The following ADAMTS17 variants were observed in gnomAD, a reference collection of about 807,000 sequenced individuals.
ADAMTS17 encodes ADAM metallopeptidase with thrombospondin type 1 motif 17.
Under a neutral mutation model 141.5 loss-of-function variants are expected in ADAMTS17, and 113 were observed. The observed-to-expected ratio is 0.80, with a 90% CI of 0.69 to 0.93. ADAMTS17 has a LOEUF of 0.93. Among genes scored for constraint, ADAMTS17 ranks in the 40% least tolerant of loss-of-function variants. The pLI is 0.00. For synonymous variants in ADAMTS17, 768 were observed against 630.6 expected, an observed-to-expected ratio of 1.22 and a Z score of -3.27; for missense variants, 1,659 against 1,517.9, an observed-to-expected ratio of 1.09 and a Z score of -1.54.
At chr15:100,277,614 T>C (rs1205572784) in intron 4 of ADAMTS17, among the ~76,000 whole-genome samples, 1 of 152,182 alleles carries the variant, frequency 6.6e-6, no homozygotes, top group Non-Finnish European at 1.5e-5. Context: ...TCAGGCGTGC[T>C]CCGGGCAGAC....
rs1305170493 is a variant in ADAMTS17, at chr15:100,270,701, T to C, written c.790-8266A>G. 6.6e-5 allele frequency among the ~76,000 whole-genome samples: 10 copies of C among 151,056 alleles called. No homozygotes were observed. In the Admixed American group the frequency reaches 6.6e-4, roughly 10 times the overall value. On this transcript the variant is annotated intron_variant, in intron 4 of 21. Transcript: ENST00000268070. ...AGGCCTACCTTGATGAGCTTATGGA[T>C]ACTGCAAAGGCAGGTGATATGTAGG...
chr15:100,077,593 A>G (rs908511937), intron 15 of ADAMTS17, among the ~76,000 whole-genome samples: 3 of 152,178 alleles, frequency 2.0e-5, no homozygotes, highest in Admixed American at 6.5e-5. Context: ...AATACTCAAC[A>G]AACTAGGAAT....
intron 20 of ADAMTS17, chr15:99,980,878 C>T (rs2060470087): frequency 6.6e-6 from 1 of 152,210 alleles, no homozygotes; most frequent in African/African-American, 2.4e-5. Context: ...CTTGTGCAGC[C>T]TGCTCTGGGG....
At chr15:100,072,771 G>A (rs1279635486) in intron 15 of ADAMTS17, among the ~76,000 whole-genome samples, 10 of 152,138 alleles carry the variant, frequency 6.6e-5, no homozygotes, top group African/African-American at 2.2e-4. Flanking sequence ...ATGGATTAAA[G>A]ACTTAAATGT....
intron 14 of ADAMTS17, among the ~76,000 whole-genome samples, chr15:100,106,125 T>C (rs561881965): frequency 6.6e-6 from 1 of 151,916 alleles, no homozygotes; most frequent in South Asian, 2.1e-4. Context: ...GCCTCTGGAG[T>C]AGCTGGAACT....
In ADAMTS17 at chr15:100,163,430, T is replaced by C. The variant is rs201486656; in HGVS notation, c.1182-8110A>G. 1.6e-4 allele frequency among the ~76,000 whole-genome samples: 22 copies of C among 135,190 alleles called. No homozygotes were observed. In the East Asian group the frequency reaches 6.2e-3, roughly 38 times the overall value. The allele number at this position is 135,190 out of a possible 152,430, so 88.7% of individuals were successfully genotyped here. A position where few individuals can be genotyped will look rare whatever the true frequency, so the allele number is the denominator to read the frequency against. On this transcript the variant is annotated intron_variant, in intron 8 of 21. Coordinates refer to ENST00000268070, the MANE Select transcript of ADAMTS17 (RefSeq NM_139057.4). ...TGACTCTGGTGCTTCATGATCCACA[T>C]TTTTTTTTATACAACATGGGCAGGA... is the stretch of plus-strand genomic sequence containing the variant.
intron 15 of ADAMTS17, among the ~76,000 whole-genome samples, chr15:100,072,403 C>A (rs2141736453): frequency 6.7e-6 from 1 of 149,542 alleles, no homozygotes; most frequent in Non-Finnish European, 1.5e-5. Flanking sequence ...TTGGAAAAAA[C>A]TACTTTAAAG....
intron 7 of ADAMTS17, among the ~76,000 whole-genome samples, chr15:100,235,803 T>C (rs79336534): frequency 0.022 from 3,407 of 152,282 alleles, 111 homozygotes; most frequent in African/African-American, 0.074. Flanking sequence ...TATTATGAGT[T>C]CTGGGCCCTT....
intron 12 of ADAMTS17, chr15:100,128,993 A>G (rs1234600607): frequency 6.6e-6 from 1 of 152,260 alleles, no homozygotes; most frequent in Non-Finnish European, 1.5e-5. Context: ...AGTTCCCTTC[A>G]AAGAGGCACC....
chr15:100,258,248 G>A (rs1162708653), intron 6 of ADAMTS17, among the ~76,000 whole-genome samples: 1 of 152,140 alleles, frequency 6.6e-6, no homozygotes, highest in Non-Finnish European at 1.5e-5. Context: ...TTCAGAAGTG[G>A]GATCACGTGG....
At chr15:100,327,132 G>A (rs146629806) in intron 3 of ADAMTS17, among the ~76,000 whole-genome samples, 17 of 152,242 alleles carry the variant, frequency 1.1e-4, no homozygotes, top group Middle Eastern at 3.4e-3. Context: ...CAAGCTTAGC[G>A]TTCCAATAAT....
intron 15 of ADAMTS17, among the ~76,000 whole-genome samples, chr15:100,075,993 A>T (rs1473075143): frequency 1.3e-5 from 2 of 151,242 alleles, no homozygotes; most frequent in Non-Finnish European, 1.5e-5. Flanking sequence ...TCATTGTATC[A>T]CTGTTTCTTT....
In ADAMTS17 at chr15:100,132,037, C is replaced by T. The variant is rs756808653; in HGVS notation, c.1691G>A (p.Arg564His). 3.2e-5 allele frequency: 52 copies of T among 1,613,812 alleles called. No homozygotes were observed. Among genetic ancestry groups the T allele is most frequent in the South Asian group, 1.8e-4 (16 of 91,068 alleles). The part of the protein sequence containing the change: ...MCSRTCGTGA[R>H]FRQRKCDNPP... Reference sequence around the variant, plus strand: ...GTTGTCACATTTCCTCTGCCTGAAGCGGGCTCCCGTCCCACATGTTCGGCT... The same window carrying T: ...GTTGTCACATTTCCTCTGCCTGAAGTGGGCTCCCGTCCCACATGTTCGGCT... Residue 564 changes from arginine (R) to histidine (H), a missense_variant, in exon 12 of 22, where the codon CGC becomes CAC. Arg to His is a conservative substitution (Grantham distance 29, BLOSUM62 0). Transcript: ENST00000268070.
chr15:100,133,174 T>C (rs374340529), intron 11 of ADAMTS17, 40 bp downstream of exon 11: 24 of 1,531,626 alleles, frequency 1.6e-5, no homozygotes, highest in African/African-American at 2.7e-5. Flanking sequence ...CTGCAAGATG[T>C]GGAGCTGCCT....
rs561103509 is a variant in ADAMTS17, at chr15:100,263,324, A to G, written c.790-889T>C. On this transcript the variant is annotated intron_variant, in intron 4 of 21. Coordinates refer to ENST00000268070, the MANE Select transcript of ADAMTS17 (RefSeq NM_139057.4). ...GTAAAGCCACCTGCATGAGACCCACAGCCAGTCACAATGGCTTGATTCAAA... is the reference window on the plus strand; with the variant it reads ...GTAAAGCCACCTGCATGAGACCCACGGCCAGTCACAATGGCTTGATTCAAA... Among the ~76,000 whole-genome samples, 3 of 152,336 alleles carry G rather than the reference A, an allele frequency of 2.0e-5. No individual in the cohort carries two copies. The East Asian group carries it at 5.8e-4, about 29-fold the overall frequency.
Position 100,217,541 on chromosome 15 carries a change from G to A in ADAMTS17, c.1076-18118C>T, listed in dbSNP as rs150078591. On this transcript the variant is annotated intron_variant, in intron 7 of 21. Transcript: ENST00000268070. ...TTGAATCCGGGAGGCGGAGGCTGCA[G>A]TGAGCCGAGATCATGCCATTGCACT... 3.6e-3 allele frequency among the ~76,000 whole-genome samples: 545 copies of A among 152,308 alleles called. 4 individuals are homozygous for A. Among genetic ancestry groups the A allele is most frequent in the African/African-American group, 0.012 (496 of 41,576 alleles).
intron 9 of ADAMTS17, among the ~76,000 whole-genome samples, chr15:100,154,907 GTTTCT>G (rs1308025353): frequency 6.6e-6 from 1 of 152,202 alleles, no homozygotes; most frequent in Admixed American, 6.5e-5. Context: ...AATGAAATGG[GTTTCT>G]TTTCAAGACA....
At chr15:100,190,760 T>G (rs73475431) in intron 8 of ADAMTS17, among the ~76,000 whole-genome samples, 16,962 of 152,212 alleles carry the variant, frequency 0.11, 1,302 homozygotes, top group African/African-American at 0.21. Context: ...ATCACACCCC[T>G]GCCACCTGAG....
At chr15:100,195,498 C>G (rs1381630956) in intron 8 of ADAMTS17, among the ~76,000 whole-genome samples, 1 of 151,714 alleles carries the variant, frequency 6.6e-6, no homozygotes, top group South Asian at 2.1e-4. Context: ...TCCATGTTTC[C>G]GTAAGACCAC....
Sources: gnomAD v4.1 joint callset for allele counts (sites outside exome capture counted in the v4.1 genomes callset) on GRCh38, gnomAD v4.1.1 for gene constraint, MANE v1.5 for transcripts, NCBI Gene and HGNC (gene_info 2026-07-23, HGNC 2026-07-21) for gene names.